ZBTB49: variants seen among roughly 807,000 people sequenced by gnomAD.
ZBTB49 encodes zinc finger and BTB domain containing 49.
Under a neutral mutation model 57.5 loss-of-function variants are expected in ZBTB49, and 43 were observed. That is an observed-to-expected ratio of 0.75 (90% CI 0.59 to 0.97). The LOEUF (loss-of-function observed/expected upper bound fraction) is 0.97, where lower values mean the gene tolerates loss of function less well. Ranked by LOEUF, ZBTB49 falls within the 50% of genes least tolerant of loss-of-function variation. ZBTB49 has a pLI of 0.00. For synonymous variants in ZBTB49, 369 were observed against 362.1 expected, an observed-to-expected ratio of 1.02 and a Z score of -0.22; for missense variants, 938 against 947.7, an observed-to-expected ratio of 0.99 and a Z score of 0.13.
At chr4:4,292,936 T>C (rs915939696) in intron 1 of ZBTB49, among the ~76,000 whole-genome samples, 6 of 152,208 alleles carry the variant, frequency 3.9e-5, no homozygotes, top group African/African-American at 1.4e-4. Flanking sequence ...ATCTAAACTT[T>C]TTCTTGTTTC....
rs1720575121 is a variant in ZBTB49 at position 4,303,045 on chromosome 4, T to A, written c.1209T>A (p.Pro403=). The A allele has an allele frequency of 6.2e-7, 1 of 1,611,770 alleles. No homozygotes were observed. The highest frequency in any genetic ancestry group is 8.5e-7 in the Non-Finnish European group (1 of 1,178,944). ...RQYACELCGK[P]FKHPSNLELH... Reference sequence around the variant, plus strand: ...ACGCGTGTGAATTATGCGGGAAACCTTTTAAACACCCAAGCAACTTGGAGC... The same window carrying A: ...ACGCGTGTGAATTATGCGGGAAACCATTTAAACACCCAAGCAACTTGGAGC... The change falls in exon 3 of 8, where the codon CCT becomes CCA. Residue 403 remains proline, a synonymous_variant. Coordinates refer to ENST00000337872, the MANE Select transcript of ZBTB49 (RefSeq NM_145291.4).
At chr4:4,298,074 G>A (rs543642301) in intron 1 of ZBTB49, among the ~76,000 whole-genome samples, 6 of 152,286 alleles carry the variant, frequency 3.9e-5, no homozygotes, top group South Asian at 4.1e-4. Context: ...CCTTCCATAT[G>A]CCAGATACTA....
At chr4:4,313,680 T>C (rs1577246038) in intron 5 of ZBTB49, among the ~76,000 whole-genome samples, 1 of 152,284 alleles carries the variant, frequency 6.6e-6, no homozygotes, top group East Asian at 1.9e-4. Flanking sequence ...TGCAGCGTGG[T>C]ATAAATGAGG....
chr4:4,302,629 A>G lies in ZBTB49; in HGVS notation c.793A>G (p.Ile265Val), dbSNP rs548007235. The G allele has an allele frequency of 5.0e-6, 8 of 1,612,790 alleles. No individual in the cohort carries two copies. The African/African-American group carries it at 9.3e-5, about 19-fold the overall frequency. ...QPCAVSHSEC[I>V]LESPEHLPSN... ...TTGTGCCGTCAGTCATTCTGAATGC[A>G]TCCTGGAGTCTCCCGAGCACTTACC... is the stretch of plus-strand genomic sequence containing the variant. The change falls in exon 3 of 8, where the codon ATC becomes GTC. Residue 265 changes from isoleucine (I) to valine (V), a missense_variant. Around this residue, in one of 3 missense-constraint regions of ZBTB49, gnomAD observed 835 missense variants for 819.1 expected, o/e 1.02. Transcript: ENST00000337872.
chr4:4,303,014 G>A lies in ZBTB49; in HGVS notation c.1178G>A (p.Arg393Lys). ...CAGTCCCAGACACTTCAGTCCCAGA[G>A]ACAATACGCGTGTGAATTATGCGGG... ...EDQSQTLQSQ[R>K]QYACELCGKP... The change falls in exon 3 of 8, where the codon AGA becomes AAA. Residue 393 changes from arginine (R) to lysine (K), a missense_variant. Coordinates refer to ENST00000337872, the MANE Select transcript of ZBTB49 (RefSeq NM_145291.4). 6.2e-7 allele frequency: 1 copy of A among 1,614,178 alleles called. No individual in the cohort carries two copies. Among genetic ancestry groups the A allele is most frequent in the South Asian group, 1.1e-5 (1 of 91,062 alleles).
intron 7 of ZBTB49, 118 bp from the exon 8 acceptor site, chr4:4,320,522 C>T: frequency 7.7e-7 from 1 of 1,304,520 alleles, no homozygotes; most frequent in Non-Finnish European, 1.1e-6. Flanking sequence ...CGCCTGTCGT[C>T]CCAGCTACTT....
At chr4:4,316,101 G>A in intron 7 of ZBTB49, 131 bp downstream of exon 7, 1 of 1,194,210 alleles carries the variant, frequency 8.4e-7, no homozygotes, top group Non-Finnish European at 1.2e-6. Flanking sequence ...TGCCTCACAT[G>A]ATCTCTCATT....
Position 4,302,867 on chromosome 4 carries a change from C to A in ZBTB49, c.1031C>A (p.Thr344Asn). The A allele has an allele frequency of 6.2e-7, 1 of 1,613,820 alleles. No homozygotes were observed. The highest frequency in any genetic ancestry group is 8.5e-7 in the Non-Finnish European group (1 of 1,179,822). ...AGGTTGGAATCTGCTAGTAAAAATA[C>A]CCTAGAGAAAGCTAGCAGCCAAAGT... is the stretch of plus-strand genomic sequence containing the variant. Reference protein sequence around the residue: ...TKRLESASKNTLEKASSQSAE... With the variant: ...TKRLESASKNNLEKASSQSAE... Residue 344 changes from threonine (T) to asparagine (N), a missense_variant, in exon 3 of 8, where the codon ACC becomes AAC. Transcript: ENST00000337872.
chr4:4,297,047 G>A (rs1430668683), intron 1 of ZBTB49, among the ~76,000 whole-genome samples: 6 of 152,016 alleles, frequency 3.9e-5, no homozygotes, highest in African/African-American at 9.7e-5. Flanking sequence ...GTTATACATC[G>A]GTTCAACCTT....
chr4:4,313,017 G>C (rs1721039951), intron 4 of ZBTB49, 24 bp from the exon 5 acceptor site: 1 of 1,612,984 alleles, frequency 6.2e-7, no homozygotes, highest in Non-Finnish European at 8.5e-7. Flanking sequence ...TTATTGGTGT[G>C]TTTTTCTTTT....
At chr4:4,318,718 A>G (rs954300738) in intron 7 of ZBTB49, among the ~76,000 whole-genome samples, 7 of 152,180 alleles carry the variant, frequency 4.6e-5, no homozygotes. Context: ...AAAATTCCGC[A>G]TGTCTGAGTA....
At chr4:4,291,486 T>C (rs1719909026) in intron 1 of ZBTB49, among the ~76,000 whole-genome samples, 1 of 152,092 alleles carries the variant, frequency 6.6e-6, no homozygotes, top group Non-Finnish European at 1.5e-5. Context: ...CATTCTGGAG[T>C]GCTGGGGGAA....
Position 4,321,133 on chromosome 4 carries a change from G to A in ZBTB49, c.2115G>A (p.Gln705=), listed in dbSNP as rs1252794221. ...VDTPAGGEPL[Q]ADGMAMIRSS... is the part of the protein sequence containing the mutation. ...CCCCAGCCGGTGGCGAACCACTGCA[G>A]GCCGATGGCATGGCCATGATCCGTT... Residue 705 remains glutamine (Q), a synonymous_variant, in exon 8 of 8, where the codon CAG becomes CAA. Transcript: ENST00000337872. 4 of 1,614,026 alleles carry A rather than the reference G, an allele frequency of 2.5e-6. No individual in the cohort carries two copies. The African/African-American group carries it at 5.3e-5, about 22-fold the overall frequency.
chr4:4,291,406 T>A (rs3756029), intron 1 of ZBTB49, among the ~76,000 whole-genome samples: 24,874 of 152,104 alleles, frequency 0.16, 4,618 homozygotes, highest in African/African-American at 0.44. Flanking sequence ...CAGGTTGTAT[T>A]AGGGCCCACC....
chr4:4,294,179 G>A (rs1167800370), intron 1 of ZBTB49, among the ~76,000 whole-genome samples: 1 of 152,144 alleles, frequency 6.6e-6, no homozygotes, highest in Non-Finnish European at 1.5e-5. Context: ...ATAATTGACA[G>A]AACACATAAG....
At chr4:4,316,026 C>G in intron 7 of ZBTB49, 56 bp downstream of exon 7, 1 of 1,591,256 alleles carries the variant, frequency 6.3e-7, no homozygotes, top group Non-Finnish European at 8.6e-7. Context: ...AGGGCTTTGT[C>G]CCCCAGCCCT....
At chr4:4,318,875 G>T (rs182602288) in intron 7 of ZBTB49, among the ~76,000 whole-genome samples, 75 of 142,510 alleles carry the variant, frequency 5.3e-4, no homozygotes, top group Non-Finnish European at 8.2e-4. Flanking sequence ...GCAGTGTTTT[G>T]GTTTTTGTTT....
rs1721176710 is a variant in ZBTB49 at position 4,315,893 on chromosome 4, C to A, written c.1544C>A (p.Ser515Tyr). ...KVFTCDECGK[S>Y]FNMQRKLVKH... is the part of the protein sequence containing the mutation. ...TTCACCTGTGATGAGTGTGGAAAGT[C>A]TTTTAATATGCAAAGGAAGTTAGTA... The change falls in exon 7 of 8, where the codon TCT (serine) becomes TAT (tyrosine). Residue 515 changes from serine (S) to tyrosine (Y), a missense_variant. Coordinates refer to ENST00000337872, the MANE Select transcript of ZBTB49 (RefSeq NM_145291.4). The A allele has an allele frequency of 6.2e-7, 1 of 1,614,076 alleles. No homozygotes were observed. The highest frequency in any genetic ancestry group is 1.7e-5 in the Admixed American group (1 of 59,996).
intron 3 of ZBTB49, among the ~76,000 whole-genome samples, chr4:4,303,410 A>G (rs991994245): frequency 2.0e-5 from 3 of 152,234 alleles, no homozygotes; most frequent in Non-Finnish European, 4.4e-5. Context: ...TTTCAAATTA[A>G]TTCTAAAATG....
Sources: allele counts gnomAD v4.1 joint callset (sites outside exome capture counted in the v4.1 genomes callset), GRCh38; gene constraint gnomAD v4.1.1; regional missense constraint gnomAD v4.1.1; transcripts MANE v1.5; gene names NCBI Gene and HGNC (gene_info 2026-07-23, HGNC 2026-07-21).